Variants in GALNT14 observed in about 807,000 individuals in gnomAD.
The protein encoded by GALNT14 is UDP-GalNAc:polypeptide N-acetylgalactosaminyltransferase 14.
In GALNT14, 60 loss-of-function variants were observed where a neutral mutation model predicts 77.5. The ratio of observed to expected loss-of-function variants is 0.77; its 90% CI spans 0.63 to 0.96. The LOEUF is 0.96. Among genes scored for constraint, GALNT14 ranks in the 40% least tolerant of loss-of-function variants. The probability of loss-of-function intolerance (pLI) is 0.00; values close to 1 mark genes in which losing one functional copy is unlikely to be tolerated. For missense variants in GALNT14, 710 were observed against 731.0 expected, an observed-to-expected ratio of 0.97 and a Z score of 0.33; for synonymous variants, 280 against 281.7, an observed-to-expected ratio of 0.99 and a Z score of 0.06.
At position 30,992,837 on chromosome 2, in the gene GALNT14, C is replaced by A; in HGVS notation, c.299+1G>T. On this transcript the variant is annotated splice_donor_variant, in intron 2 of 14. Coordinates refer to ENST00000349752, the MANE Select transcript of GALNT14 (RefSeq NM_024572.4). LOFTEE classifies it high-confidence loss of function. ...AACAGAGTGGGAGAAGGAGGAAGTA[C>A]CTCAGATGGCGAGTGTCCGGGATGG... 1.2e-6 allele frequency: 2 copies of A among 1,612,774 alleles called. No homozygotes were observed. The highest frequency in any genetic ancestry group is 1.7e-6 in the Non-Finnish European group (2 of 1,178,900).
intron 6 of GALNT14, among the ~76,000 whole-genome samples, chr2:30,948,400 A>G (rs1195834510): frequency 6.6e-6 from 1 of 152,238 alleles, no homozygotes; most frequent in East Asian, 1.9e-4. Context: ...ACACCAGATA[A>G]TCTATGCTAA....
intron 7 of GALNT14, 66 bp downstream of exon 7, chr2:30,945,717 A>T: frequency 7.8e-7 from 1 of 1,281,762 alleles, no homozygotes. Context: ...CACTCTCCCC[A>T]CTTAAAAGCA....
At chr2:31,068,559 A>C (rs1177478584) in intron 1 of GALNT14, among the ~76,000 whole-genome samples, 1 of 151,940 alleles carries the variant, frequency 6.6e-6, no homozygotes, top group Non-Finnish European at 1.5e-5. Flanking sequence ...CTAATAGCAA[A>C]TGCATTTTGA....
chr2:31,088,440 CTGATTGGG>C (rs1440330025), intron 1 of GALNT14, among the ~76,000 whole-genome samples: 1 of 152,078 alleles, frequency 6.6e-6, no homozygotes, highest in African/African-American at 2.4e-5. Context: ...ATGTGCTTGC[CTGATTGGG>C]CTTGGCGTCT....
intron 10 of GALNT14, among the ~76,000 whole-genome samples, chr2:30,930,843 T>G (rs972392281): frequency 2.0e-5 from 3 of 152,232 alleles, no homozygotes; most frequent in Admixed American, 2.0e-4. Context: ...TTGGAAGCTG[T>G]TTAGCAGACA....
intron 1 of GALNT14, among the ~76,000 whole-genome samples, chr2:31,024,537 T>C (rs1671926310): frequency 6.6e-6 from 1 of 152,134 alleles, no homozygotes; most frequent in African/African-American, 2.4e-5. Flanking sequence ...TGGAATGCAT[T>C]AGATTCTGCA....
At chr2:31,105,948 C>G (rs942251237) in intron 1 of GALNT14, among the ~76,000 whole-genome samples, 1 of 152,116 alleles carries the variant, frequency 6.6e-6, no homozygotes, top group Admixed American at 6.6e-5. Context: ...AACACGGTTC[C>G]TATTATCCTC....
intron 3 of GALNT14, among the ~76,000 whole-genome samples, chr2:30,961,345 G>T (rs1573042480): frequency 6.6e-6 from 1 of 152,284 alleles, no homozygotes; most frequent in African/African-American, 2.4e-5. Flanking sequence ...AAGACCCAAG[G>T]CCGGCTGACA....
rs369792897 is a variant in GALNT14 at position 31,114,156 on chromosome 2, C to A, written c.129+23802G>T. ...TCAGGTTTGTTTTCTCTAAAATAAA[C>A]CTGTCTTAACTGACGAGCCACCTTT... On this transcript the variant is annotated intron_variant, in intron 1 of 14. Coordinates refer to ENST00000349752, the MANE Select transcript of GALNT14 (RefSeq NM_024572.4). Among the ~76,000 whole-genome samples, 4 of 152,134 alleles carry A rather than the reference C, an allele frequency of 2.6e-5. No individual in the cohort carries two copies. In the East Asian group the frequency reaches 7.7e-4, roughly 29 times the overall value.
At chr2:30,997,550 C>T (rs1670110645) in intron 1 of GALNT14, among the ~76,000 whole-genome samples, 3 of 152,234 alleles carry the variant, frequency 2.0e-5, no homozygotes, top group Admixed American at 6.5e-5. Context: ...GGGCCCACTC[C>T]TGTGGGGCCT....
chr2:31,068,246 G>A (rs1675110630), intron 1 of GALNT14, among the ~76,000 whole-genome samples: 2 of 152,144 alleles, frequency 1.3e-5, no homozygotes, highest in Non-Finnish European at 2.9e-5. Flanking sequence ...CAGCACTTTG[G>A]GAGGCCAAGG....
At chr2:30,968,974 G>A (rs1455142781) in intron 2 of GALNT14, among the ~76,000 whole-genome samples, 1 of 152,172 alleles carries the variant, frequency 6.6e-6, no homozygotes, top group African/African-American at 2.4e-5. Context: ...AGACCTGGAG[G>A]GAGTGTTAGC....
In GALNT14 at chr2:30,983,991, G is replaced by A. The variant is rs111278235; in HGVS notation, c.299+8847C>T. Among the ~76,000 whole-genome samples the A allele has an allele frequency of 8.5e-5, 13 of 152,236 alleles. No homozygotes were observed. In the East Asian group the frequency reaches 1.2e-3, roughly 14 times the overall value. Reference sequence around the variant, plus strand: ...CAAGTCCCCTAACCTCTCTGAGCCCGGGTCCCCTGACCTAGGTGTGGAGTT... The same window carrying A: ...CAAGTCCCCTAACCTCTCTGAGCCCAGGTCCCCTGACCTAGGTGTGGAGTT... On this transcript the variant is annotated intron_variant, in intron 2 of 14. Transcript: ENST00000349752.
chr2:30,976,885 A>G (rs1558459533), intron 2 of GALNT14, among the ~76,000 whole-genome samples: 1 of 151,762 alleles, frequency 6.6e-6, no homozygotes, highest in Non-Finnish European at 1.5e-5. Flanking sequence ...CTGCACAGTA[A>G]CTCCCCGAGG....
chr2:30,929,385 G>C lies in GALNT14; in HGVS notation c.1151+10C>G, dbSNP rs369166357. 6.2e-7 allele frequency: 1 copy of C among 1,609,768 alleles called. No individual in the cohort carries two copies. On this transcript the variant is annotated intron_variant, in intron 11 of 14. Coordinates refer to ENST00000349752, the MANE Select transcript of GALNT14 (RefSeq NM_024572.4). ...AGTCTCTGCCCTCCTCAACCTGAAG[G>C]GACACTTACTTCCCGAAGGGCCTCT...
chr2:31,031,683 G>A (rs578222298), intron 1 of GALNT14, among the ~76,000 whole-genome samples: 1 of 151,500 alleles, frequency 6.6e-6, no homozygotes, highest in South Asian at 2.1e-4. Flanking sequence ...GATCAATATG[G>A]AGAAAAAAAT....
intron 1 of GALNT14, among the ~76,000 whole-genome samples, chr2:31,106,432 C>A (rs1342354423): frequency 1.3e-5 from 2 of 152,092 alleles, no homozygotes; most frequent in African/African-American, 4.8e-5. Flanking sequence ...CATTTATTCA[C>A]CTTTCATCTA....
At chr2:31,050,264 T>C (rs1193539234) in intron 1 of GALNT14, among the ~76,000 whole-genome samples, 1 of 152,240 alleles carries the variant, frequency 6.6e-6, no homozygotes, top group Non-Finnish European at 1.5e-5. Flanking sequence ...TTCTGTTTCC[T>C]GCAGAGTAAA....
chr2:30,970,110 G>A (rs553652597), intron 2 of GALNT14, among the ~76,000 whole-genome samples: 12 of 152,176 alleles, frequency 7.9e-5, no homozygotes, highest in African/African-American at 2.2e-4. Flanking sequence ...TTTTAGCATC[G>A]GCCCAAATCT....
Sources: allele counts gnomAD v4.1 joint callset (sites outside exome capture counted in the v4.1 genomes callset), GRCh38; gene constraint gnomAD v4.1.1; transcripts MANE v1.5; gene names NCBI Gene and HGNC (gene_info 2026-07-23, HGNC 2026-07-21).